DCHS1: variants seen among roughly 807,000 people sequenced by gnomAD.
DCHS1 encodes the protein protocadherin-16.
A neutral mutation model predicts 213.9 loss-of-function variants in DCHS1; 78 were observed. The ratio of observed to expected loss-of-function variants is 0.36; its 90% CI spans 0.30 to 0.44. The LOEUF (loss-of-function observed/expected upper bound fraction) is 0.44. Ranked by LOEUF, DCHS1 falls within the 20% of genes least tolerant of loss-of-function variation. DCHS1 has a pLI of 1.00. For missense variants in DCHS1, 3,946 were observed against 4,395.9 expected (o/e 0.90, Z 2.89); for synonymous variants, 1,828 against 1,873.7 (o/e 0.98, Z 0.63).
chr11:6,632,437 T>C lies in DCHS1; in HGVS notation c.3075A>G (p.Gln1025=). 2 of 1,607,590 alleles carry C rather than the reference T, an allele frequency of 1.2e-6. No individual in the cohort carries two copies. Among genetic ancestry groups the C allele is most frequent in the Non-Finnish European group, 1.7e-6 (2 of 1,175,610 alleles). Reference sequence around the variant, plus strand: ...AGGTGATAGGGCCCCCATCTGGTGCTTGGGCCTGCACTTGCAGGACCTGAG... The same window carrying C: ...AGGTGATAGGGCCCCCATCTGGTGCCTGGGCCTGCACTTGCAGGACCTGAG... ...AGTQVLQVQA[Q]APDGGPITYH... The change falls in exon 6 of 21, where the codon CAA becomes CAG. Residue 1025 remains glutamine, a synonymous_variant. Coordinates refer to ENST00000299441, the MANE Select transcript of DCHS1 (RefSeq NM_003737.4). The surrounding 1 kb of genome is among the most constrained non-coding windows in gnomAD (Gnocchi z 5.9).
At position 6,622,682 on chromosome 11, in the gene DCHS1, G is replaced by A. The variant is rs374516352; in HGVS notation, c.8994C>T (p.Pro2998=). 6.3e-7 allele frequency: 1 copy of A among 1,594,344 alleles called. No homozygotes were observed. Among genetic ancestry groups the A allele is most frequent in the Non-Finnish European group, 8.5e-7 (1 of 1,170,768 alleles). ...KLGREPPSPP[P]SEHLYHQTLP... is the part of the protein sequence containing the mutation. ...GAGTCTGGTGATAGAGGTGCTCAGA[G>A]GGTGGTGGACTAGGTGGCTCCCGGC... The change falls in exon 21 of 21, where the codon CCC becomes CCT. Residue 2998 remains proline (P), a synonymous_variant. Coordinates refer to ENST00000299441, the MANE Select transcript of DCHS1 (RefSeq NM_003737.4). The surrounding 1 kb of genome is among the most constrained non-coding windows in gnomAD (Gnocchi z 5.4).
intron 19 of DCHS1, 116 bp from the exon 20 acceptor site, chr11:6,624,984 C>G (rs964722599): frequency 6.8e-7 from 1 of 1,472,436 alleles, no homozygotes; most frequent in African/African-American, 1.4e-5. Context: ...CAACTTGGAG[C>G]CCCTACTCCT....
At chr11:6,639,121 AAAG>A (rs1213733682) in intron 2 of DCHS1, among the ~76,000 whole-genome samples, 3 of 151,934 alleles carry the variant, frequency 2.0e-5, no homozygotes, top group Admixed American at 6.6e-5. Context: ...AAAAAAAAAA[AAAG>A]AAGTTCAGTG....
intron 2 of DCHS1, among the ~76,000 whole-genome samples, chr11:6,636,489 C>T (rs982690562): frequency 1.3e-5 from 2 of 152,106 alleles, no homozygotes; most frequent in Admixed American, 1.3e-4. Flanking sequence ...AGATTACAGG[C>T]GTGAACCACT....
chr11:6,654,729 G>A (rs1180076557), intron 1 of DCHS1, among the ~76,000 whole-genome samples: 2 of 152,122 alleles, frequency 1.3e-5, no homozygotes, highest in African/African-American at 2.4e-5. Context: ...TGTGGGTTGA[G>A]TAGGGCTATG....
Position 6,641,019 on chromosome 11 carries a change from G to C in DCHS1, c.595C>G (p.Pro199Ala). The C allele has an allele frequency of 6.2e-7, 1 of 1,613,990 alleles. No individual in the cohort carries two copies. Among genetic ancestry groups the C allele is most frequent in the Non-Finnish European group, 8.5e-7 (1 of 1,179,896 alleles). ...AGCTCAGGTACTGGAGTCCCATCTG[G>C]ACCGGGGCGTGTCTCCAGCCGGAAG... ...ETFRLETRPGPDGTPVPELVV... is the reference protein window; with the variant it reads ...ETFRLETRPGADGTPVPELVV... Residue 199 changes from proline to alanine, a missense_variant, in exon 2 of 21, where the codon CCA (proline) becomes GCA (alanine). Around this residue, in one of 3 missense-constraint regions of DCHS1, gnomAD observed 3,384 missense variants for 3,780.1 expected, o/e 0.90. Coordinates refer to ENST00000299441, the MANE Select transcript of DCHS1 (RefSeq NM_003737.4). The surrounding 1 kb of genome is among the most constrained non-coding windows in gnomAD (Gnocchi z 7.1).
At position 6,623,891 on chromosome 11, in the gene DCHS1, G is replaced by T; in HGVS notation, c.7785C>A (p.Val2595=). 2 of 1,610,750 alleles carry T rather than the reference G, an allele frequency of 1.2e-6. No individual in the cohort carries two copies. Among genetic ancestry groups the T allele is most frequent in the South Asian group, 1.1e-5 (1 of 90,868 alleles). The change falls in exon 21 of 21, where the codon GTC becomes GTA. Residue 2595 remains valine (V), a synonymous_variant. Coordinates refer to ENST00000299441, the MANE Select transcript of DCHS1 (RefSeq NM_003737.4). Reference sequence around the variant, plus strand: ...GGGTAAAGACAGGTGGGTTGTCATTGACATCTAGTACAGTGACAGTGACTG... The same window carrying T: ...GGGTAAAGACAGGTGGGTTGTCATTTACATCTAGTACAGTGACAGTGACTG... ...VVPVTVTVLD[V]NDNPPVFTRA...
At chr11:6,635,362 TTTATACATTGGG>T (rs1317331077) in intron 2 of DCHS1, among the ~76,000 whole-genome samples, 3 of 152,160 alleles carry the variant, frequency 2.0e-5, no homozygotes, top group Admixed American at 2.0e-4. Flanking sequence ...CACACTAAGT[TTTATACATTGGG>T]TACACATTAG....
chr11:6,625,061 G>A lies in DCHS1; in HGVS notation c.7146+137C>T. ...GTACAGGATGCAAAACCAGGATGTA[G>A]TTCACAGGACTTGGGACCTTCCCAT... is the stretch of plus-strand genomic sequence containing the variant. On this transcript the variant is annotated intron_variant, in intron 19 of 20. Coordinates refer to ENST00000299441, the MANE Select transcript of DCHS1 (RefSeq NM_003737.4). The surrounding 1 kb of genome is among the most constrained non-coding windows in gnomAD (Gnocchi z 5.3). The A allele has an allele frequency of 1.4e-6, 2 of 1,393,666 alleles. No homozygotes were observed. Among genetic ancestry groups the A allele is most frequent in the Non-Finnish European group, 1.9e-6 (2 of 1,028,956 alleles). The allele number at this position is 1,393,666 out of a possible 1,614,324, so 86.3% of individuals were successfully genotyped here. A position where few individuals can be genotyped will look rare whatever the true frequency, so the allele number is the denominator to read the frequency against.
intron 2 of DCHS1, among the ~76,000 whole-genome samples, chr11:6,636,347 C>T (rs1855985915): frequency 6.6e-6 from 1 of 151,920 alleles, no homozygotes; most frequent in Non-Finnish European, 1.5e-5. Context: ...ACAACTAGGA[C>T]TACAGGCGTG....
At chr11:6,631,977 C>T in intron 6 of DCHS1, 54 bp downstream of exon 6, 1 of 1,481,460 alleles carries the variant, frequency 6.8e-7, no homozygotes, top group Non-Finnish European at 8.9e-7. Context: ...TCTGAATGTT[C>T]ACCAGGCTGG....
In DCHS1 at chr11:6,622,251, C is replaced by G; in HGVS notation, c.9425G>C (p.Cys3142Ser). ...AATGGCTGTCAGCGCACCTGCCACA[C>G]ATGGCTTGCCATCTGCTGGGAAGCC... ...DYGFPADGKP[C>S]VAGALTAIVA... The change falls in exon 21 of 21, where the codon TGT becomes TCT. Residue 3142 changes from cysteine to serine, a missense_variant. By Grantham distance (112) the Cys-to-Ser change is moderately radical. Coordinates refer to ENST00000299441, the MANE Select transcript of DCHS1 (RefSeq NM_003737.4). This position sits in a 1 kb window ranked among gnomAD's most constrained non-coding sequence, Gnocchi z 5.4. The G allele has an allele frequency of 6.2e-7, 1 of 1,602,828 alleles. No individual in the cohort carries two copies. The highest frequency in any genetic ancestry group is 8.5e-7 in the Non-Finnish European group (1 of 1,176,076).
At chr11:6,631,489 G>C in intron 7 of DCHS1, 82 bp from the exon 8 acceptor site, 1 of 1,599,754 alleles carries the variant, frequency 6.3e-7, no homozygotes, top group Non-Finnish European at 8.6e-7. Context: ...CCTGTGGGCA[G>C]GCAGAACCTC....
Position 6,624,352 on chromosome 11 carries a change from G to T in DCHS1, c.7324C>A (p.His2442Asn). The T allele has an allele frequency of 6.3e-7, 1 of 1,577,106 alleles. No homozygotes were observed. The highest frequency in any genetic ancestry group is 8.6e-7 in the Non-Finnish European group (1 of 1,161,586). ...FTIVGTVALG[H>N]DGSGAVDVVL... ...ACATCCACTGCTCCTGACCCGTCATGGCCCAAGGCCACTGTTCCCACTATT... is the reference window on the plus strand; with the variant it reads ...ACATCCACTGCTCCTGACCCGTCATTGCCCAAGGCCACTGTTCCCACTATT... The change falls in exon 21 of 21, where the codon CAT becomes AAT. Residue 2442 changes from histidine (H) to asparagine (N), a missense_variant. Around this residue, in one of 3 missense-constraint regions of DCHS1, gnomAD observed 3,384 missense variants for 3,780.1 expected, o/e 0.90. Transcript: ENST00000299441.
chr11:6,632,620 A>T lies in DCHS1; in HGVS notation c.2892T>A (p.His964Gln), dbSNP rs372385982. ...RPLGPSGGPA[H>Q]ELELEARDGG... ...CATCCCGGGCCTCCAGCTCCAGCTC[A>T]TGGGCTGGCCCTCCTGAGGGCCCCA... is the stretch of plus-strand genomic sequence containing the variant. Residue 964 changes from histidine (H) to glutamine (Q), a missense_variant, in exon 6 of 21, where the codon CAT becomes CAA. By Grantham distance (24) the His-to-Gln change is conservative. Transcript: ENST00000299441. This position sits in a 1 kb window ranked among gnomAD's most constrained non-coding sequence, Gnocchi z 5.9. The T allele has an allele frequency of 6.5e-7, 1 of 1,541,410 alleles. No homozygotes were observed.
chr11:6,626,933 G>C lies in DCHS1; in HGVS notation c.6106C>G (p.Leu2036Val). 1 of 1,613,720 alleles carries C rather than the reference G, an allele frequency of 6.2e-7. No individual in the cohort carries two copies. The change falls in exon 14 of 21, where the codon CTC (leucine) becomes GTC (valine). Residue 2036 changes from leucine to valine, a missense_variant. Leu to Val is a conservative substitution (Grantham distance 32). Transcript: ENST00000299441. This position sits in a 1 kb window ranked among gnomAD's most constrained non-coding sequence, Gnocchi z 5.2. ...CCAAGATCAGTGGCCACAATGAAGA[G>C]GACACGATCTCGGGGGCCTAGAGCT... ...PVALGPRDRV[L>V]FIVATDLGRP...
Position 6,625,104 on chromosome 11 carries a change from C to T in DCHS1, c.7146+94G>A, listed in dbSNP as rs72911018. On this transcript the variant is annotated intron_variant, in intron 19 of 20. Coordinates refer to ENST00000299441, the MANE Select transcript of DCHS1 (RefSeq NM_003737.4). This position sits in a 1 kb window ranked among gnomAD's most constrained non-coding sequence, Gnocchi z 5.3. ...CTTCCCATTCCCAGATCAGCTCCAA[C>T]GTCCAGCCCACCTCAGCAGCTGCTA... 6.7e-5 allele frequency: 100 copies of T among 1,497,420 alleles called. 1 individual carries two copies. In the South Asian group the frequency reaches 1.1e-3, roughly 16 times the overall value. 92.8% of individuals were successfully genotyped at this position (1,497,420 alleles called of 1,614,324 possible). A position where few individuals can be genotyped will look rare whatever the true frequency, so the allele number is the denominator to read the frequency against.
In DCHS1 at chr11:6,632,990, G is replaced by A. The variant is rs761366299; in HGVS notation, c.2522C>T (p.Ala841Val). The change falls in exon 6 of 21, where the codon GCG becomes GTG. Residue 841 changes from alanine to valine, a missense_variant. Around this residue, in one of 3 missense-constraint regions of DCHS1, gnomAD observed 3,384 missense variants for 3,780.1 expected, o/e 0.90. Transcript: ENST00000299441. The surrounding 1 kb of genome is among the most constrained non-coding windows in gnomAD (Gnocchi z 5.9). The stretch of plus-strand genomic sequence containing the variant: ...AAGTGTTTGCAACAGTCCTGATACC[G>A]CATCTAGGGAGAAGAGTCCTCGGGG... ...GDPRGLFSLDAVSGLLQTLRP... is the reference protein window; with the variant it reads ...GDPRGLFSLDVVSGLLQTLRP... 8.1e-6 allele frequency: 13 copies of A among 1,613,538 alleles called. No individual in the cohort carries two copies. Among genetic ancestry groups the A allele is most frequent in the African/African-American group, 1.3e-5 (1 of 74,914 alleles).
chr11:6,639,993 C>G lies in DCHS1; in HGVS notation c.1621G>C (p.Glu541Gln). The change falls in exon 2 of 21, where the codon GAA becomes CAA. Residue 541 changes from glutamate (E) to glutamine (Q), a missense_variant. Physicochemically the swap from Glu to Gln is conservative, Grantham distance 29 (BLOSUM62 2). Transcript: ENST00000299441. The part of the protein sequence containing the change: ...TTAASLDYEL[E>Q]PQPQLIVVAT... ...ACCACAATCAGCTGTGGCTGAGGTT[C>G]CAACTCATAGTCCAGTGAGGCAGCC... 6.2e-7 allele frequency: 1 copy of G among 1,613,962 alleles called. No homozygotes were observed. Among genetic ancestry groups the G allele is most frequent in the Non-Finnish European group, 8.5e-7 (1 of 1,179,852 alleles).
Sources: allele counts gnomAD v4.1 joint callset (sites outside exome capture counted in the v4.1 genomes callset), GRCh38; gene constraint gnomAD v4.1.1; regional missense constraint gnomAD v4.1.1; non-coding constraint Gnocchi (gnomAD v3.1); transcripts MANE v1.5; gene names NCBI Gene and HGNC (gene_info 2026-07-23, HGNC 2026-07-21).